Variants in RBFOX1 observed in about 807,000 individuals in gnomAD.
RBFOX1 encodes the protein RNA binding fox-1 homolog 1, also known as RNA binding protein fox-1 homolog 1.
In RBFOX1, 8 loss-of-function variants were observed where a neutral mutation model predicts 57.7. The observed-to-expected ratio is 0.14, with a 90% confidence interval of 0.08 to 0.25. The LOEUF (loss-of-function observed/expected upper bound fraction) is 0.25, where lower values mean the gene tolerates loss of function less well. Ranked by LOEUF, RBFOX1 falls within the 10% of genes least tolerant of loss-of-function variation. The pLI is 1.00. For missense variants in RBFOX1, 611 were observed against 548.5 expected (o/e 1.11, Z -1.14); for synonymous variants, 326 against 222.4 (o/e 1.47, Z -4.15).
At chr16:6,323,831 G>T (rs560070089) in intron 2 of RBFOX1, among the ~76,000 whole-genome samples, 2 of 151,930 alleles carry the variant, frequency 1.3e-5, no homozygotes, top group South Asian at 4.2e-4. Context: ...GGAGTACAGT[G>T]GTGTGATATC....
chr16:6,880,604 T>G (rs1223696320), intron 3 of RBFOX1, among the ~76,000 whole-genome samples: 1 of 152,084 alleles, frequency 6.6e-6, no homozygotes, highest in Non-Finnish European at 1.5e-5. Context: ...CTGTCTGAAA[T>G]GTGAACTGGA....
intron 4 of RBFOX1, among the ~76,000 whole-genome samples, chr16:7,210,869 T>G (rs575506332): frequency 6.6e-6 from 1 of 152,054 alleles, no homozygotes; most frequent in African/African-American, 2.4e-5. Flanking sequence ...TATTGAATAC[T>G]GGTAATTTGC....
chr16:6,683,166 C>G (rs558230307), intron 3 of RBFOX1, among the ~76,000 whole-genome samples: 1 of 152,120 alleles, frequency 6.6e-6, no homozygotes, highest in Non-Finnish European at 1.5e-5. Context: ...GGGCATTACA[C>G]AGAGGACTTA....
At chr16:5,973,430 C>T (rs1286265833) in intron 4 of RBFOX1, among the ~76,000 whole-genome samples, 2 of 152,202 alleles carry the variant, frequency 1.3e-5, no homozygotes, top group Non-Finnish European at 2.9e-5. Context: ...TTTGTTCACA[C>T]ACCTGTATGC....
intron 4 of RBFOX1, among the ~76,000 whole-genome samples, chr16:7,165,097 A>T (rs1192588205): frequency 6.6e-6 from 1 of 152,166 alleles, no homozygotes. Flanking sequence ...GTAGCCAAGG[A>T]TGCAATCCTG....
In RBFOX1 at chr16:7,122,807, T is replaced by C. The variant is rs534397160; in HGVS notation, c.27+70709T>C. ...ACCATAGCCCCCTAGAAACAAGCCA[T>C]ATGTCTTCAAATAGATGAATTTGAA... On this transcript the variant is annotated intron_variant, in intron 4 of 15. Coordinates refer to ENST00000550418, the MANE Select transcript of RBFOX1 (RefSeq NM_018723.4). Among the ~76,000 whole-genome samples, 38 of 152,314 alleles carry C rather than the reference T, an allele frequency of 2.5e-4. 1 individual carries two copies. In the South Asian group the frequency reaches 7.5e-3, roughly 30 times the overall value.
chr16:5,718,355 A>G (rs961852470), intron 3 of RBFOX1, among the ~76,000 whole-genome samples: 3 of 152,142 alleles, frequency 2.0e-5, no homozygotes, highest in East Asian at 1.9e-4. Flanking sequence ...AAGTCATCCA[A>G]TCTCCACCTG....
At chr16:5,323,514 G>C (rs56830333) in intron 1 of RBFOX1, among the ~76,000 whole-genome samples, 4,335 of 152,316 alleles carry the variant, frequency 0.028, 232 homozygotes, top group African/African-American at 0.099. Flanking sequence ...TTGCCTCATT[G>C]TCTCTGCCCC....
intron 3 of RBFOX1, among the ~76,000 whole-genome samples, chr16:6,823,855 C>T (rs575974396): frequency 6.6e-6 from 1 of 152,182 alleles, no homozygotes; most frequent in East Asian, 1.9e-4. Context: ...GGGCTCTGTG[C>T]TGTGGGCTGG....
At chr16:7,108,832 G>A (rs772512725) in intron 4 of RBFOX1, among the ~76,000 whole-genome samples, 1 of 152,262 alleles carries the variant, frequency 6.6e-6, no homozygotes, top group Non-Finnish European at 1.5e-5. Context: ...CCCCGTCAAG[G>A]ATGGACTAGT....
intron 2 of RBFOX1, among the ~76,000 whole-genome samples, chr16:6,489,538 C>G (rs963730265): frequency 2.0e-5 from 3 of 152,106 alleles, no homozygotes; most frequent in Non-Finnish European, 4.4e-5. Context: ...ACTCCAAAGT[C>G]TGTGTTCCTA....
intron 2 of RBFOX1, among the ~76,000 whole-genome samples, chr16:6,554,473 A>T (rs1172610417): frequency 6.6e-6 from 1 of 152,186 alleles, no homozygotes; most frequent in Non-Finnish European, 1.5e-5. Flanking sequence ...TAATGGCACC[A>T]CTGTGTGAAT....
At chr16:5,762,589 C>T (rs552416280) in intron 3 of RBFOX1, among the ~76,000 whole-genome samples, 2 of 152,234 alleles carry the variant, frequency 1.3e-5, no homozygotes, top group African/African-American at 2.4e-5. Flanking sequence ...AGGATGTGTT[C>T]GCAAACTTAG....
At chr16:5,342,846 G>A (rs979295167) in intron 1 of RBFOX1, among the ~76,000 whole-genome samples, 5 of 152,042 alleles carry the variant, frequency 3.3e-5, no homozygotes, top group Non-Finnish European at 5.9e-5. Context: ...CTGTTTTTCC[G>A]CATCTCTTTC....
chr16:6,393,036 A>T (rs1198285354), intron 2 of RBFOX1, among the ~76,000 whole-genome samples: 1 of 152,194 alleles, frequency 6.6e-6, no homozygotes, highest in Non-Finnish European at 1.5e-5. Context: ...GTTGAACAAT[A>T]GGCTGGGACA....
intron 3 of RBFOX1, among the ~76,000 whole-genome samples, chr16:5,699,141 C>G (rs2050945824): frequency 6.6e-6 from 1 of 151,942 alleles, no homozygotes. Context: ...GTGCATGCCA[C>G]CACACCCAGC....
At chr16:7,154,999 G>T (rs1270518393) in intron 4 of RBFOX1, among the ~76,000 whole-genome samples, 1 of 152,004 alleles carries the variant, frequency 6.6e-6, no homozygotes, top group Non-Finnish European at 1.5e-5. Context: ...GAATTAGGTA[G>T]ATTCTGTACA....
At chr16:6,768,664 A>G (rs769665939) in intron 3 of RBFOX1, among the ~76,000 whole-genome samples, 2 of 150,992 alleles carry the variant, frequency 1.3e-5, no homozygotes, top group Non-Finnish European at 2.9e-5. Context: ...ATGCGTATGT[A>G]CAGGCATATA....
intron 7 of RBFOX1, 135 bp downstream of exon 7, chr16:7,587,435 C>A: frequency 1.1e-6 from 1 of 926,840 alleles, no homozygotes; most frequent in Non-Finnish European, 1.4e-6. Flanking sequence ...TAGAGACCAC[C>A]TTCCGTTTTC....
Sources: allele counts gnomAD v4.1 joint callset (sites outside exome capture counted in the v4.1 genomes callset), GRCh38; gene constraint gnomAD v4.1.1; transcripts MANE v1.5; gene names NCBI Gene and HGNC (gene_info 2026-07-23, HGNC 2026-07-21).